The following PHACTR1 variants were observed in gnomAD, a reference collection of about 807,000 sequenced individuals.
PHACTR1 encodes the protein RPEL repeat containing 1.
PHACTR1 carries 16 observed loss-of-function variants against 69.2 expected under a neutral mutation model. That is an observed-to-expected ratio of 0.23 (90% CI 0.16 to 0.35). PHACTR1 has a LOEUF of 0.35. PHACTR1 is among the 10% of genes least tolerant of loss of function. PHACTR1 has a pLI of 1.00. For missense variants in PHACTR1, 510 were observed against 734.7 expected (o/e 0.69, Z 3.54); for synonymous variants, 312 against 284.5 (o/e 1.10, Z -0.97).
At chr6:13,036,567 A>T (rs759483646) in intron 4 of PHACTR1, among the ~76,000 whole-genome samples, 7 of 152,236 alleles carry the variant, frequency 4.6e-5, no homozygotes, top group Non-Finnish European at 8.8e-5. Flanking sequence ...TATGGGACAA[A>T]CTCATGTGAA....
chr6:13,074,738 A>G (rs962413510), intron 5 of PHACTR1, among the ~76,000 whole-genome samples: 6 of 152,230 alleles, frequency 3.9e-5, no homozygotes, highest in African/African-American at 1.4e-4. Flanking sequence ...GGTAAATGCC[A>G]TCAATGGGGG....
At chr6:12,835,110 C>T (rs1581997580) in intron 4 of PHACTR1, among the ~76,000 whole-genome samples, 1 of 152,034 alleles carries the variant, frequency 6.6e-6, no homozygotes, top group Non-Finnish European at 1.5e-5. Flanking sequence ...AGGCAGGCAT[C>T]CCAAATGGAG....
At chr6:13,160,679 G>T (rs1758860852) in intron 6 of PHACTR1, among the ~76,000 whole-genome samples, 1 of 152,102 alleles carries the variant, frequency 6.6e-6, no homozygotes, top group Non-Finnish European at 1.5e-5. Context: ...ACTCATCTAG[G>T]ATTTCCTTAA....
At chr6:13,041,339 T>TACATACAC (rs1554113082) in intron 4 of PHACTR1, among the ~76,000 whole-genome samples, 9 of 135,366 alleles carry the variant, frequency 6.6e-5, no homozygotes, top group African/African-American at 2.2e-4. Context: ...TTAAAATACA[T>TACATACAC]ACACACACAC....
intron 5 of PHACTR1, among the ~76,000 whole-genome samples, chr6:13,114,234 A>T (rs1281007052): frequency 6.6e-6 from 1 of 152,148 alleles, no homozygotes; most frequent in East Asian, 1.9e-4. Flanking sequence ...TCAGAAAAGA[A>T]TACAGTTATT....
At chr6:12,883,928 A>G (rs905708637) in intron 4 of PHACTR1, among the ~76,000 whole-genome samples, 5 of 152,116 alleles carry the variant, frequency 3.3e-5, no homozygotes, top group East Asian at 3.8e-4. Flanking sequence ...ACACACACAC[A>G]TGCCCATACA....
intron 4 of PHACTR1, among the ~76,000 whole-genome samples, chr6:12,955,548 A>G (rs1212470322): frequency 1.3e-5 from 2 of 152,090 alleles, no homozygotes; most frequent in African/African-American, 4.8e-5. Context: ...TTGCAGTGCC[A>G]GTATTTAAGG....
intron 4 of PHACTR1, among the ~76,000 whole-genome samples, chr6:12,846,266 T>C (rs547763878): frequency 6.6e-6 from 1 of 152,348 alleles, no homozygotes; most frequent in South Asian, 2.1e-4. Context: ...AATGGATTGA[T>C]AAATGTTGAT....
At chr6:12,791,860 G>T (rs545780641) in intron 4 of PHACTR1, among the ~76,000 whole-genome samples, 2 of 152,160 alleles carry the variant, frequency 1.3e-5, no homozygotes, top group Admixed American at 6.5e-5. Context: ...CTTGCCTGAG[G>T]GTTGCACCAT....
intron 4 of PHACTR1, among the ~76,000 whole-genome samples, chr6:12,900,955 G>A (rs1299497443): frequency 6.6e-6 from 1 of 152,096 alleles, no homozygotes. Context: ...TTTACGAAGG[G>A]CAGTTGAGAA....
intron 6 of PHACTR1, among the ~76,000 whole-genome samples, chr6:13,181,474 A>G (rs971701718): frequency 6.6e-6 from 1 of 152,180 alleles, no homozygotes; most frequent in Non-Finnish European, 1.5e-5. Context: ...TTTAAAAATT[A>G]ATTTGACTTT....
chr6:12,880,259 C>T (rs1782955551), intron 4 of PHACTR1, among the ~76,000 whole-genome samples: 1 of 140,930 alleles, frequency 7.1e-6, no homozygotes, highest in Non-Finnish European at 1.5e-5. Context: ...CAGGATCTCA[C>T]TCTGTCACTT....
At chr6:12,748,488 G>C (rs1024476150) in intron 3 of PHACTR1, among the ~76,000 whole-genome samples, 7 of 152,142 alleles carry the variant, frequency 4.6e-5, no homozygotes, top group African/African-American at 1.7e-4. Context: ...GCCACAAAAA[G>C]ACTAAGTTCC....
chr6:13,125,755 C>A (rs953307860), intron 5 of PHACTR1, among the ~76,000 whole-genome samples: 1 of 151,922 alleles, frequency 6.6e-6, no homozygotes, highest in Non-Finnish European at 1.5e-5. Flanking sequence ...ATGGCAAGAC[C>A]CCATCTTTAC....
chr6:12,971,464 G>C (rs777629228), intron 4 of PHACTR1, among the ~76,000 whole-genome samples: 3 of 152,228 alleles, frequency 2.0e-5, no homozygotes, highest in Non-Finnish European at 2.9e-5. Flanking sequence ...ATCACTGAGG[G>C]ATGGGAAATT....
In PHACTR1 at chr6:12,807,830, A is replaced by G. The variant is rs76513221; in HGVS notation, c.250+58040A>G. Among the ~76,000 whole-genome samples, 582 of 152,338 alleles carry G rather than the reference A, an allele frequency of 3.8e-3. 4 individuals are homozygous for G. Among genetic ancestry groups the G allele is most frequent in the African/African-American group, 0.013 (561 of 41,564 alleles). On this transcript the variant is annotated intron_variant, in intron 4 of 14. Transcript: ENST00000332995. ...TTTGTTACCCTGAACACCCAATAGC[A>G]TTGTGATAGCTTTAAAGGCTGAAAT...
Position 13,206,099 on chromosome 6 carries a change from A to C in PHACTR1, c.949A>C (p.Asn317His), listed in dbSNP as rs779181871. The change falls in exon 8 of 15, where the codon AAC (asparagine) becomes CAC (histidine). Residue 317 changes from asparagine to histidine, a missense_variant. Coordinates refer to ENST00000332995, the MANE Select transcript of PHACTR1 (RefSeq NM_030948.6). ...PSGCRMIDEL[N>H]KTLAMTMQRL... is the part of the protein sequence containing the mutation. ...GGGCTGCAGAATGATAGACGAGCTC[A>C]ACAAAACGCTGGCCATGACCATGCA... The C allele has an allele frequency of 9.3e-6, 15 of 1,611,276 alleles. No homozygotes were observed. Among genetic ancestry groups the C allele is most frequent in the Non-Finnish European group, 1.3e-5 (15 of 1,178,562 alleles).
intron 4 of PHACTR1, among the ~76,000 whole-genome samples, chr6:12,803,892 C>A (rs1773993857): frequency 6.6e-6 from 1 of 152,192 alleles, no homozygotes; most frequent in African/African-American, 2.4e-5. Context: ...AACCCCACCC[C>A]ATTTGAGAAC....
rs368073714 is a variant in PHACTR1 at position 12,938,453 on chromosome 6, A to G, written c.251-114912A>G. ...ACACCATCAGCAATAGCACCACACG[A>G]TGACAATAATAACAATGACAATAAC... is the stretch of plus-strand genomic sequence containing the variant. On this transcript the variant is annotated intron_variant, in intron 4 of 14. Coordinates refer to ENST00000332995, the MANE Select transcript of PHACTR1 (RefSeq NM_030948.6). Among the ~76,000 whole-genome samples, 4 of 152,282 alleles carry G rather than the reference A, an allele frequency of 2.6e-5. No individual in the cohort carries two copies. The East Asian group carries it at 5.8e-4, about 22-fold the overall frequency.
Sources: allele counts gnomAD v4.1 joint callset (sites outside exome capture counted in the v4.1 genomes callset), GRCh38; gene constraint gnomAD v4.1.1; transcripts MANE v1.5; gene names NCBI Gene and HGNC (gene_info 2026-07-23, HGNC 2026-07-21).